GSAP: variants seen among roughly 807,000 people sequenced by gnomAD.
The protein encoded by GSAP is gamma-secretase-activating protein.
A neutral mutation model predicts 131.7 loss-of-function variants in GSAP; 118 were observed. That is an observed-to-expected ratio of 0.90 (90% confidence interval 0.77 to 1.04). The LOEUF is 1.04. Ranked by LOEUF, GSAP falls within the 50% of genes least tolerant of loss-of-function variation. The pLI, the probability that GSAP is intolerant of heterozygous loss-of-function variation, is 0.00. For synonymous variants in GSAP, 381 were observed against 363.4 expected (o/e 1.05, Z -0.55); for missense variants, 1,019 against 1,013.2 (o/e 1.01, Z -0.08).
At chr7:77,320,209 A>T (rs1020399648) in intron 26 of GSAP, among the ~76,000 whole-genome samples, 8 of 152,202 alleles carry the variant, frequency 5.3e-5, no homozygotes, top group African/African-American at 1.7e-4. Flanking sequence ...ATAGTTGCTC[A>T]ACAAATATTT....
At chr7:77,334,563 T>C (rs1486284067) in intron 19 of GSAP, among the ~76,000 whole-genome samples, 1 of 101,394 alleles carries the variant, frequency 9.9e-6, no homozygotes, top group Non-Finnish European at 2.0e-5. Flanking sequence ...TGCCCATGTA[T>C]CCTGGAACTT....
chr7:77,313,659 G>T, intron 27 of GSAP, 110 bp from the exon 28 acceptor site: 1 of 545,364 alleles, frequency 1.8e-6, no homozygotes, highest in Non-Finnish European at 3.2e-6. Flanking sequence ...TCCCAACTGT[G>T]TATTCTCAAG....
chr7:77,383,826 C>T (rs1457999061), intron 6 of GSAP, among the ~76,000 whole-genome samples: 1 of 152,202 alleles, frequency 6.6e-6, no homozygotes, highest in Non-Finnish European at 1.5e-5. Context: ...ATGTCCCAAT[C>T]TCCGAGTCAT....
chr7:77,356,196 C>A (rs937460957), intron 14 of GSAP, among the ~76,000 whole-genome samples: 1 of 152,178 alleles, frequency 6.6e-6, no homozygotes, highest in African/African-American at 2.4e-5. Context: ...AGGTAAACCT[C>A]ATTTATTTCC....
In GSAP at chr7:77,396,982, C is replaced by G; in HGVS notation, c.367G>C (p.Gly123Arg). ...GTACTAAAAAGTGTAATTTCATTAC[C>G]TGGTTGAAGTTCGTTCCTTTTTCCT... The part of the protein sequence containing the change: ...KEGKRNELQP[G>R]SKCLTLLVEI... The change falls in exon 5 of 31, where the codon GGA (glycine) becomes CGA (arginine). Residue 123 changes from glycine to arginine, a missense_variant and splice_region_variant. By Grantham distance (125) the Gly-to-Arg change is moderately radical (BLOSUM62 -2). Coordinates refer to ENST00000257626, the MANE Select transcript of GSAP (RefSeq NM_017439.4). The G allele has an allele frequency of 6.3e-7, 1 of 1,580,950 alleles. No individual in the cohort carries two copies. Among genetic ancestry groups the G allele is most frequent in the Non-Finnish European group, 8.7e-7 (1 of 1,153,804 alleles).
At chr7:77,373,452 T>A (rs1267667738) in intron 12 of GSAP, among the ~76,000 whole-genome samples, 1 of 152,246 alleles carries the variant, frequency 6.6e-6, no homozygotes, top group Non-Finnish European at 1.5e-5. Flanking sequence ...TAAAAATGGC[T>A]ATTACATGCA....
At chr7:77,314,603 C>G (rs1197818499) in intron 26 of GSAP, 114 bp from the exon 27 acceptor site, 5 of 1,130,508 alleles carry the variant, frequency 4.4e-6, no homozygotes, top group Non-Finnish European at 6.3e-6. Flanking sequence ...GTGCCTGGAA[C>G]CAACTGAATT....
chr7:77,348,793 C>T (rs1792293891), intron 19 of GSAP, among the ~76,000 whole-genome samples: 1 of 152,236 alleles, frequency 6.6e-6, no homozygotes, highest in African/African-American at 2.4e-5. Context: ...CTAACAGCTA[C>T]AGCTTAATGT....
At chr7:77,408,205 T>C (rs1004638785) in intron 1 of GSAP, among the ~76,000 whole-genome samples, 1 of 152,240 alleles carries the variant, frequency 6.6e-6, no homozygotes, top group African/African-American at 2.4e-5. Flanking sequence ...CTTGTCTATA[T>C]GAAAGCCCTA....
chr7:77,340,266 G>A (rs1051559849), intron 19 of GSAP, among the ~76,000 whole-genome samples: 2 of 151,520 alleles, frequency 1.3e-5, no homozygotes, highest in East Asian at 1.9e-4. Context: ...ATCTCCTTTC[G>A]CTGACTCTTT....
chr7:77,362,176 A>G (rs966892230), intron 13 of GSAP, among the ~76,000 whole-genome samples: 2 of 152,186 alleles, frequency 1.3e-5, no homozygotes, highest in African/African-American at 4.8e-5. Flanking sequence ...TGAACTGATA[A>G]AAATTGATTC....
intron 3 of GSAP, among the ~76,000 whole-genome samples, chr7:77,403,486 G>C (rs1247398638): frequency 6.6e-6 from 1 of 152,118 alleles, no homozygotes. Context: ...TTTTACATAG[G>C]TACAAAATTA....
At chr7:77,373,166 T>C (rs1054031388) in intron 12 of GSAP, among the ~76,000 whole-genome samples, 3 of 152,228 alleles carry the variant, frequency 2.0e-5, no homozygotes, top group Non-Finnish European at 4.4e-5. Flanking sequence ...TAAGTTTTCA[T>C]GAATTCCTAT....
intron 8 of GSAP, 71 bp from the exon 9 acceptor site, chr7:77,377,461 A>G (rs891336186): frequency 1.8e-5 from 26 of 1,434,290 alleles, no homozygotes; most frequent in Non-Finnish European, 2.3e-5. Flanking sequence ...TCTGGAATTC[A>G]TAATTATTTT....
chr7:77,408,528 A>G (rs1401165472), intron 1 of GSAP, among the ~76,000 whole-genome samples: 3 of 151,858 alleles, frequency 2.0e-5, no homozygotes, highest in Admixed American at 6.6e-5. Context: ...GTGAAACCCA[A>G]TCTCTACTAA....
At chr7:77,361,498 T>C (rs995017860) in intron 13 of GSAP, among the ~76,000 whole-genome samples, 1 of 152,188 alleles carries the variant, frequency 6.6e-6, no homozygotes, top group Admixed American at 6.5e-5. Flanking sequence ...ATAGAATATA[T>C]GTCTAGTTCT....
At chr7:77,342,044 T>C (rs752286819) in intron 19 of GSAP, among the ~76,000 whole-genome samples, 4 of 152,220 alleles carry the variant, frequency 2.6e-5, no homozygotes, top group Non-Finnish European at 4.4e-5. Context: ...GTCCCATCTA[T>C]GCGGGACCCC....
At chr7:77,397,540 A>C (rs1800621261) in intron 3 of GSAP, 125 bp from the exon 4 acceptor site, 1 of 580,914 alleles carries the variant, frequency 1.7e-6, no homozygotes, top group Non-Finnish European at 3.1e-6. Flanking sequence ...TAAAGAATCA[A>C]ACTAGTTTAG....
chr7:77,401,254 C>A (rs1405311696), intron 3 of GSAP, among the ~76,000 whole-genome samples: 1 of 151,824 alleles, frequency 6.6e-6, no homozygotes, highest in African/African-American at 2.4e-5. Flanking sequence ...GGAGTAAACC[C>A]CAAACAGGCA....
Sources: allele counts gnomAD v4.1 joint callset (sites outside exome capture counted in the v4.1 genomes callset), GRCh38; gene constraint gnomAD v4.1.1; transcripts MANE v1.5; gene names NCBI Gene and HGNC (gene_info 2026-07-23, HGNC 2026-07-21).